The following AXIN2 variants were observed in gnomAD, a reference collection of about 807,000 sequenced individuals.
AXIN2 encodes axin 2, also known as axin-2.
AXIN2 carries 21 observed loss-of-function variants against 74.7 expected under a neutral mutation model. The ratio of observed to expected loss-of-function variants is 0.28; its 90% CI spans 0.20 to 0.40. The LOEUF (loss-of-function observed/expected upper bound fraction) is 0.40. Among genes scored for constraint, AXIN2 ranks in the 10% least tolerant of loss-of-function variants. The probability of loss-of-function intolerance (pLI) is 1.00; values close to 1 mark genes in which losing one functional copy is unlikely to be tolerated. For synonymous variants in AXIN2, 532 were observed against 454.9 expected (o/e 1.17, Z -2.16); for missense variants, 1,144 against 1,111.1 (o/e 1.03, Z -0.42).
Position 65,558,068 on chromosome 17 carries a change from T to C in AXIN2, c.553A>G (p.Asn185Asp), listed in dbSNP as rs1301940236. Residue 185 changes from asparagine to aspartate, a missense_variant, in exon 2 of 11, where the codon AAT becomes GAT. By Grantham distance (23) the Asn-to-Asp change is conservative. This residue lies in a region of AXIN2 where 1,053 missense variants were observed against 973.5 expected (regional missense o/e 1.08). Coordinates refer to ENST00000307078, the MANE Select transcript of AXIN2 (RefSeq NM_004655.4). The part of the protein sequence containing the change: ...QTEIQSVMEE[N>D]AYQMFLTSDI... ...GAAGTCAAAAACATCTGGTAGGCAT[T>C]TTCCTCCATCACCGACTGGATCTCG... 6.2e-7 allele frequency: 1 copy of C among 1,614,180 alleles called. No homozygotes were observed. The highest frequency in any genetic ancestry group is 8.5e-7 in the Non-Finnish European group (1 of 1,180,034).
chr17:65,538,472 G>A (rs1386810779), intron 4 of AXIN2, 129 bp from the exon 5 acceptor site: 1 of 1,230,152 alleles, frequency 8.1e-7, no homozygotes, highest in Non-Finnish European at 1.1e-6. Context: ...TGGATGGCAA[G>A]GCGGCCTGGG....
intron 9 of AXIN2, 77 bp from the exon 10 acceptor site, chr17:65,534,156 C>A (rs1032279199): frequency 8.4e-6 from 13 of 1,544,458 alleles, no homozygotes; most frequent in Non-Finnish European, 1.2e-5. Context: ...CACGTGCGCA[C>A]ATGTGCATAA....
Position 65,558,291 on chromosome 17 carries a change from G to A in AXIN2, c.330C>T (p.Phe110=), listed in dbSNP as rs772650933. Residue 110 remains phenylalanine, a synonymous_variant, in exon 2 of 11, where the codon TTC becomes TTT. Transcript: ENST00000307078. ...EREKCVDTLD[F]WFACNGFRQM... ...GCCTGAATCCATTGCAGGCAAACCA[G>A]AAGTCTAAGGTATCCACGCATTTCT... 2.5e-6 allele frequency: 4 copies of A among 1,614,210 alleles called. No homozygotes were observed. The highest frequency in any genetic ancestry group is 2.2e-5 in the East Asian group (1 of 44,884).
In AXIN2 at chr17:65,538,667, C is replaced by CAAAAAAAAAAAAAAAAAAAAAAAAAAAA. The variant is rs775428814; in HGVS notation, c.1060-352_1060-325dup. On this transcript the variant is annotated intron_variant, in intron 4 of 10. Transcript: ENST00000307078. ...ATCTTCAAAGACTGTTGTCAACCATCAAAAAAAAAAAAAAAAAAAAAAAAA... is the reference window on the plus strand; with the variant it reads ...ATCTTCAAAGACTGTTGTCAACCATCAAAAAAAAAAAAAAAAAAAAAAAAAAAAAAAAAAAAAAAAAAAAAAAAAAAAA... Among the ~76,000 whole-genome samples the CAAAAAAAAAAAAAAAAAAAAAAAAAAAA allele has an allele frequency of 9.5e-4, 34 of 35,828 alleles. 16 individuals are homozygous for CAAAAAAAAAAAAAAAAAAAAAAAAAAAA. Among genetic ancestry groups the CAAAAAAAAAAAAAAAAAAAAAAAAAAAA allele is most frequent in the South Asian group, 2.5e-3 (2 of 812 alleles). 23.5% of individuals were successfully genotyped at this position (35,828 alleles called of 152,430 possible). A position where few individuals can be genotyped will look rare whatever the true frequency, so the allele number is the denominator to read the frequency against.
chr17:65,558,062 A>G lies in AXIN2; in HGVS notation c.559T>C (p.Tyr187His). The G allele has an allele frequency of 6.2e-7, 1 of 1,614,148 alleles. No individual in the cohort carries two copies. The change falls in exon 2 of 11, where the codon TAC becomes CAC. Residue 187 changes from tyrosine to histidine, a missense_variant. Physicochemically the swap from Tyr to His is moderately conservative, Grantham distance 83 (BLOSUM62 2). Coordinates refer to ENST00000307078, the MANE Select transcript of AXIN2 (RefSeq NM_004655.4). Reference protein sequence around the residue: ...EIQSVMEENAYQMFLTSDIYL... With the variant: ...EIQSVMEENAHQMFLTSDIYL... ...ATATCAGAAGTCAAAAACATCTGGT[A>G]GGCATTTTCCTCCATCACCGACTGG...
chr17:65,538,001 C>A, intron 5 of AXIN2, 166 bp from the exon 6 acceptor site: 1 of 1,317,688 alleles, frequency 7.6e-7, no homozygotes, highest in South Asian at 1.3e-5. Flanking sequence ...AGCACATATC[C>A]ACACGCATAT....
chr17:65,554,462 G>A (rs1298510867), intron 2 of AXIN2, among the ~76,000 whole-genome samples: 1 of 152,234 alleles, frequency 6.6e-6, no homozygotes, highest in Non-Finnish European at 1.5e-5. Context: ...ACAGCACTGG[G>A]CAACGGGACC....
intron 6 of AXIN2, 69 bp downstream of exon 6, chr17:65,537,255 C>T: frequency 6.2e-7 from 1 of 1,605,620 alleles, no homozygotes; most frequent in East Asian, 2.2e-5. Context: ...GCTCCCACCT[C>T]ACACCTGCCC....
At chr17:65,556,791 C>A (rs2044273112) in intron 2 of AXIN2, among the ~76,000 whole-genome samples, 1 of 152,130 alleles carries the variant, frequency 6.6e-6, no homozygotes, top group Non-Finnish European at 1.5e-5. Context: ...GCATCCTGGG[C>A]CCCTAACACA....
chr17:65,537,128 C>A lies in AXIN2; in HGVS notation c.1713-65G>T, dbSNP rs2043939042. The A allele has an allele frequency of 3.8e-6, 6 of 1,571,082 alleles. No individual in the cohort carries two copies. In the Admixed American group the frequency reaches 9.1e-5, roughly 24 times the overall value. On this transcript the variant is annotated intron_variant, in intron 6 of 10. Coordinates refer to ENST00000307078, the MANE Select transcript of AXIN2 (RefSeq NM_004655.4). ...GTTAAATCTCCGGGACTCCTAGAAT[C>A]AGACAATTCAGCAAGTCGGGGGGCT...
At position 65,542,873 on chromosome 17, in the gene AXIN2, T is replaced by C. The variant is rs912859891; in HGVS notation, c.957-1316A>G. 2.0e-5 allele frequency among the ~76,000 whole-genome samples: 3 copies of C among 152,170 alleles called. No homozygotes were observed. In the South Asian group the frequency reaches 6.2e-4, roughly 32 times the overall value. On this transcript the variant is annotated intron_variant, in intron 3 of 10. Coordinates refer to ENST00000307078, the MANE Select transcript of AXIN2 (RefSeq NM_004655.4). Reference sequence around the variant, plus strand: ...CCTTTCCCCAATGTCTGGTTCATCATAGGGTGGAAGAAAAATAGGATAATT... The same window carrying C: ...CCTTTCCCCAATGTCTGGTTCATCACAGGGTGGAAGAAAAATAGGATAATT...
Position 65,537,569 on chromosome 17 carries a change from G to T in AXIN2, c.1467C>A (p.Pro489=), listed in dbSNP as rs1199756577. Residue 489 remains proline, a synonymous_variant, in exon 6 of 11, where the codon CCC becomes CCA. Coordinates refer to ENST00000307078, the MANE Select transcript of AXIN2 (RefSeq NM_004655.4). Reference sequence around the variant, plus strand: ...GGCAGGCGCCCGGCGAGGCGGCCGCGGGAGGCAGCTTGCCACCGGGCGGGA... The same window carrying T: ...GGCAGGCGCCCGGCGAGGCGGCCGCTGGAGGCAGCTTGCCACCGGGCGGGA... ...SLLPPGGKLP[P]AAASPGACPL... The T allele has an allele frequency of 6.2e-7, 1 of 1,610,354 alleles. No homozygotes were observed. Among genetic ancestry groups the T allele is most frequent in the Non-Finnish European group, 8.5e-7 (1 of 1,179,026 alleles).
chr17:65,551,044 T>C (rs977760505), intron 2 of AXIN2, among the ~76,000 whole-genome samples: 1 of 152,136 alleles, frequency 6.6e-6, no homozygotes, highest in Non-Finnish European at 1.5e-5. Flanking sequence ...TGGCTCTCAA[T>C]CAAACTGCCT....
intron 8 of AXIN2, among the ~76,000 whole-genome samples, chr17:65,536,091 C>T (rs1277599271): frequency 6.6e-6 from 1 of 152,230 alleles, no homozygotes; most frequent in African/African-American, 2.4e-5. Context: ...CAATTCTAGG[C>T]ATGACTTGCC....
At chr17:65,546,057 T>G (rs994069007) in intron 3 of AXIN2, among the ~76,000 whole-genome samples, 2 of 39,030 alleles carry the variant, frequency 5.1e-5, no homozygotes, top group Admixed American at 4.8e-4. Flanking sequence ...TCTCCCCCCC[T>G]CCCCAGCCCT....
In AXIN2 at chr17:65,533,947, G is replaced by A. The variant is rs1555576355; in HGVS notation, c.2370C>T (p.His790=). Residue 790 remains histidine, a synonymous_variant, in exon 10 of 11, where the codon CAC becomes CAT. Transcript: ENST00000307078. ...CCTTTTTGCTGAGCTGCTCTTTAAA[G>A]TGGCCCAGGGTCAAGCTCTGAGCCT... ...MLKAQSLTLG[H]FKEQLSKKGN... 3 of 1,614,170 alleles carry A rather than the reference G, an allele frequency of 1.9e-6. No homozygotes were observed. The highest frequency in any genetic ancestry group is 1.7e-6 in the Non-Finnish European group (2 of 1,180,020).
chr17:65,553,850 G>A (rs867687746), intron 2 of AXIN2, among the ~76,000 whole-genome samples: 24 of 142,600 alleles, frequency 1.7e-4, no homozygotes, highest in Non-Finnish European at 2.6e-4. Flanking sequence ...AAAAAGGCGG[G>A]GGGGGGGGGA....
At chr17:65,531,926 C>T (rs1031798146) in intron 10 of AXIN2, among the ~76,000 whole-genome samples, 1 of 146,898 alleles carries the variant, frequency 6.8e-6, no homozygotes, top group African/African-American at 2.5e-5. Context: ...CTCACTGGGT[C>T]TTTTTTATTT....
intron 10 of AXIN2, 35 bp from the exon 11 acceptor site, chr17:65,530,137 C>T (rs2043792407): frequency 1.2e-6 from 2 of 1,613,056 alleles, no homozygotes; most frequent in African/African-American, 1.3e-5. Context: ...TCTTGGTAAA[C>T]TGCATTTTCC....
Sources: gnomAD v4.1 joint callset for allele counts (sites outside exome capture counted in the v4.1 genomes callset) on GRCh38, gnomAD v4.1.1 for gene constraint, gnomAD v4.1.1 regional missense constraint, MANE v1.5 for transcripts, NCBI Gene and HGNC (gene_info 2026-07-23, HGNC 2026-07-21) for gene names.